Variants in LRP2 observed in about 807,000 individuals in gnomAD.
LRP2 encodes the protein LDL receptor related protein 2, also known as low-density lipoprotein receptor-related protein 2.
A neutral mutation model predicts 531.0 loss-of-function variants in LRP2; 172 were observed. The ratio of observed to expected loss-of-function variants is 0.32; its 90% CI spans 0.29 to 0.37. LRP2 has a LOEUF of 0.37. LRP2 is among the 10% of genes least tolerant of loss of function. LRP2 has a pLI of 1.00. For missense variants in LRP2, 5,167 were observed against 5,868.3 expected (o/e 0.88, Z 3.90); for synonymous variants, 1,992 against 2,027.6 (o/e 0.98, Z 0.47).
intron 24 of LRP2, 92 bp from the exon 25 acceptor site, chr2:169,241,457 T>G: frequency 7.1e-7 from 1 of 1,400,726 alleles, no homozygotes; most frequent in Non-Finnish European, 1.0e-6. Flanking sequence ...TTGGATCCAA[T>G]AGTAGGTTTA....
intron 66 of LRP2, among the ~76,000 whole-genome samples, chr2:169,153,376 T>C (rs1348928562): frequency 6.6e-6 from 1 of 152,208 alleles, no homozygotes; most frequent in East Asian, 1.9e-4. Context: ...AGAAGTCCTA[T>C]TTTATATACA....
At chr2:169,327,354 T>G (rs1574261092) in intron 1 of LRP2, among the ~76,000 whole-genome samples, 2 of 109,184 alleles carry the variant, frequency 1.8e-5, no homozygotes, top group African/African-American at 3.7e-5. Context: ...ATCCGGGAGG[T>G]GAGGGGCGCC....
chr2:169,175,517 CA>C, intron 54 of LRP2, 128 bp from the exon 55 acceptor site: 1 of 795,842 alleles, frequency 1.3e-6, no homozygotes, highest in Non-Finnish European at 2.1e-6. Context: ...AGAAGAGGAT[CA>C]ATTAAATCTC....
rs771941481 is a variant in LRP2 at position 169,244,920 on chromosome 2, G to A, written c.3203C>T (p.Ser1068Leu). The A allele has an allele frequency of 1.2e-6, 2 of 1,614,202 alleles. No homozygotes were observed. Residue 1068 changes from serine (S) to leucine (L), a missense_variant, in exon 22 of 79, where the codon TCA becomes TTA. Ser to Leu is a moderately radical substitution (Grantham distance 145). This residue lies in a region of LRP2 where 2,811 missense variants were observed against 3,058.0 expected (regional missense o/e 0.92). Coordinates refer to ENST00000649046, the MANE Select transcript of LRP2 (RefSeq NM_004525.3). ...ATGGCCACAGGTGAACGCCGAAGAT[G>A]AACAGGTATTATCTACAATAGTAAC... ...QLCGTLNNTCSSSAFTCGHGE... is the reference protein window; with the variant it reads ...QLCGTLNNTCLSSAFTCGHGE...
intron 68 of LRP2, among the ~76,000 whole-genome samples, chr2:169,148,655 ATT>A (rs1686010040): frequency 1.3e-5 from 2 of 152,216 alleles, no homozygotes; most frequent in South Asian, 4.1e-4. Flanking sequence ...ATTCAATTTA[ATT>A]TAAATTAAAA....
intron 68 of LRP2, among the ~76,000 whole-genome samples, chr2:169,148,041 C>G (rs1685981708): frequency 6.6e-6 from 1 of 152,160 alleles, no homozygotes; most frequent in Non-Finnish European, 1.5e-5. Flanking sequence ...GTAGTCTAAA[C>G]CAGTCATCAG....
At chr2:169,143,908 C>G (rs1396857405) in intron 70 of LRP2, among the ~76,000 whole-genome samples, 1 of 152,192 alleles carries the variant, frequency 6.6e-6, no homozygotes, top group African/African-American at 2.4e-5. Flanking sequence ...CAAAGCATAG[C>G]TATAAATTAG....
At chr2:169,168,976 A>G (rs996723474) in intron 60 of LRP2, among the ~76,000 whole-genome samples, 1 of 152,222 alleles carries the variant, frequency 6.6e-6, no homozygotes, top group Non-Finnish European at 1.5e-5. Context: ...TCTCTTTGGC[A>G]ACCACATCAT....
At chr2:169,237,541 T>C (rs1021273984) in intron 27 of LRP2, among the ~76,000 whole-genome samples, 11 of 152,186 alleles carry the variant, frequency 7.2e-5, no homozygotes, top group Non-Finnish European at 1.5e-4. Flanking sequence ...TTCGTTTTGG[T>C]TTCAAAAGTT....
Position 169,170,681 on chromosome 2 carries a change from G to C in LRP2, c.11264-14C>G, listed in dbSNP as rs377424162. On this transcript the variant is annotated splice_polypyrimidine_tract_variant and intron_variant, in intron 58 of 78. Transcript: ENST00000649046. ...ACTCCCGGGGAGCTGGAAAGGAAAG[G>C]CACCTGGCCATGAGTGTGCACCAGG... 1,493 of 1,573,080 alleles carry C rather than the reference G, an allele frequency of 9.5e-4. 1 individual carries two copies. The highest frequency in any genetic ancestry group is 1.3e-3 in the Non-Finnish European group (1,431 of 1,142,624).
intron 5 of LRP2, 38 bp downstream of exon 5, chr2:169,294,561 CT>C: frequency 1.4e-6 from 2 of 1,434,182 alleles, no homozygotes; most frequent in Non-Finnish European, 2.0e-6. Context: ...TATAAACCAG[CT>C]TCAGCACACA....
chr2:169,266,716 T>C (rs2105427954), intron 16 of LRP2, among the ~76,000 whole-genome samples: 2 of 152,152 alleles, frequency 1.3e-5, no homozygotes, highest in East Asian at 1.9e-4. Flanking sequence ...ACCCTTGGCA[T>C]TTACATAGTC....
In LRP2 at chr2:169,275,198, A is replaced by G. The variant is rs773426531; in HGVS notation, c.1813T>C (p.Phe605Leu). ...VHGGSLIPHP[F>L]GVSLFEGQVF... is the part of the protein sequence containing the mutation. ...TGACCTTCAAATAAGCTTACTCCAA[A>G]GGGATGAGGAATGAGGGAGCCTCCA... Residue 605 changes from phenylalanine to leucine, a missense_variant, in exon 14 of 79, where the codon TTT becomes CTT. Phe to Leu is a conservative substitution (Grantham distance 22). Transcript: ENST00000649046. 1 of 1,613,642 alleles carries G rather than the reference A, an allele frequency of 6.2e-7. No individual in the cohort carries two copies. The highest frequency in any genetic ancestry group is 8.5e-7 in the Non-Finnish European group (1 of 1,179,804).
intron 1 of LRP2, among the ~76,000 whole-genome samples, chr2:169,359,028 A>C (rs1409849745): frequency 1.3e-5 from 2 of 152,052 alleles, no homozygotes; most frequent in Admixed American, 1.3e-4. Flanking sequence ...AAATGGAAAT[A>C]GGAATAGGAA....
rs561814112 is a variant in LRP2 at position 169,299,931 on chromosome 2, G to C, written c.428-5221C>G. On this transcript the variant is annotated intron_variant, in intron 4 of 78. Coordinates refer to ENST00000649046, the MANE Select transcript of LRP2 (RefSeq NM_004525.3). The stretch of plus-strand genomic sequence containing the variant: ...TTTGAATACTCATCAGCAAATCATT[G>C]CTGGATGAATGTCAATATCCTAGAA... 1.3e-4 allele frequency among the ~76,000 whole-genome samples: 20 copies of C among 152,220 alleles called. No individual in the cohort carries two copies. In the South Asian group the frequency reaches 4.1e-3, roughly 32 times the overall value.
Position 169,175,207 on chromosome 2 carries a change from T to A in LRP2, c.10754A>T (p.Asp3585Val). ...HQNCPDGSDE[D>V]RLLCENHHCD... ...ACTCAACACACCACAAAGAAGACGG[T>A]CTTCATCAGACCCATCAGGGCAATT... Residue 3585 changes from aspartate to valine, a missense_variant, in exon 55 of 79, where the codon GAC (aspartate) becomes GTC (valine). This residue lies in a region of LRP2 where 311 missense variants were observed against 309.4 expected (regional missense o/e 1.01). Coordinates refer to ENST00000649046, the MANE Select transcript of LRP2 (RefSeq NM_004525.3). 6.2e-7 allele frequency: 1 copy of A among 1,614,028 alleles called. No individual in the cohort carries two copies. The highest frequency in any genetic ancestry group is 8.5e-7 in the Non-Finnish European group (1 of 1,180,010).
chr2:169,148,765 C>T (rs1686014049), intron 68 of LRP2, among the ~76,000 whole-genome samples: 1 of 152,152 alleles, frequency 6.6e-6, no homozygotes, highest in Admixed American at 6.5e-5. Flanking sequence ...TCCTCCATGA[C>T]TTCGTTTATG....
intron 16 of LRP2, among the ~76,000 whole-genome samples, chr2:169,267,579 C>A (rs956759238): frequency 4.6e-5 from 7 of 152,064 alleles, no homozygotes; most frequent in African/African-American, 1.7e-4. Flanking sequence ...CACAACACAC[C>A]AGAATCTCTG....
chr2:169,171,916 C>T lies in LRP2; in HGVS notation c.11263+99G>A, dbSNP rs141500552. On this transcript the variant is annotated intron_variant, in intron 58 of 78. Transcript: ENST00000649046. ...GATCAGACAGCTTGATATCATCCTA[C>T]CCATTGAGGATCAATGACATAGACA... 6.5e-3 allele frequency: 8,922 copies of T among 1,370,614 alleles called. 43 individuals carry two copies. Among genetic ancestry groups the T allele is most frequent in the Non-Finnish European group, 7.3e-3 (6,996 of 962,344 alleles). 84.9% of individuals were successfully genotyped at this position (1,370,614 alleles called of 1,614,324 possible). A position where few individuals can be genotyped will look rare whatever the true frequency, so the allele number is the denominator to read the frequency against.
Sources: allele counts gnomAD v4.1 joint callset (sites outside exome capture counted in the v4.1 genomes callset), GRCh38; gene constraint gnomAD v4.1.1; regional missense constraint gnomAD v4.1.1; transcripts MANE v1.5; gene names NCBI Gene and HGNC (gene_info 2026-07-23, HGNC 2026-07-21).